The following KIRREL3 variants were observed in gnomAD, a reference collection of about 807,000 sequenced individuals.
KIRREL3 encodes kirre like nephrin family adhesion molecule 3.
In KIRREL3, 36 loss-of-function variants were observed where a neutral mutation model predicts 89.7. That is an observed-to-expected ratio of 0.40 (90% CI 0.31 to 0.53). The LOEUF (loss-of-function observed/expected upper bound fraction) is 0.53, where lower values mean the gene tolerates loss of function less well. KIRREL3 is among the 20% of genes least tolerant of loss of function. The pLI is 0.49. For synonymous variants in KIRREL3, 445 were observed against 441.4 expected (o/e 1.01, Z -0.10); for missense variants, 864 against 1,056.6 (o/e 0.82, Z 2.53).
rs1958621827 is a variant in KIRREL3 at position 126,522,239 on chromosome 11, C to G, written c.284-775G>C. Among the ~76,000 whole-genome samples the G allele has an allele frequency of 6.6e-6, 1 of 151,986 alleles. No individual in the cohort carries two copies. The highest frequency in any genetic ancestry group is 2.4e-5 in the African/African-American group (1 of 41,364). On this transcript the variant is annotated intron_variant, in intron 3 of 16. Transcript: ENST00000525144. This position sits in a 1 kb window ranked among gnomAD's most constrained non-coding sequence, Gnocchi z 6.0. The stretch of plus-strand genomic sequence containing the variant: ...AAGATAGAGAGGAGAGAGAGAGAGA[C>G]AGACAGACAGAGAGACCCAGGCTGA...
rs1381000901 is a variant in KIRREL3, at chr11:126,564,923, T to G, written c.56-2011A>C. On this transcript the variant is annotated intron_variant, in intron 1 of 16. Transcript: ENST00000525144. The surrounding 1 kb of genome is among the most constrained non-coding windows in gnomAD (Gnocchi z 7.4). ...GCCCATTGTAATTGCACACGCATTGTTCATCATTAGAATGATACAATTGCT... is the reference window on the plus strand; with the variant it reads ...GCCCATTGTAATTGCACACGCATTGGTCATCATTAGAATGATACAATTGCT... Among the ~76,000 whole-genome samples, 1 of 152,226 alleles carries G rather than the reference T, an allele frequency of 6.6e-6. No homozygotes were observed. The highest frequency in any genetic ancestry group is 1.5e-5 in the Non-Finnish European group (1 of 68,034).
rs1231368544 is a variant in KIRREL3, at chr11:126,656,121, T to C, written c.56-93209A>G. On this transcript the variant is annotated intron_variant, in intron 1 of 16. Transcript: ENST00000525144. The surrounding 1 kb of genome is among the most constrained non-coding windows in gnomAD (Gnocchi z 4.0). The stretch of plus-strand genomic sequence containing the variant: ...GCTGTGCAAAGGAATAAGAAACTAG[T>C]GCTGTCTCGGGAACCAGCAACACAG... 4.4e-6 allele frequency: 2 copies of C among 456,176 alleles called. No homozygotes were observed. The highest frequency in any genetic ancestry group is 1.4e-4 in the East Asian group (2 of 14,372). 28.3% of individuals were successfully genotyped at this position (456,176 alleles called of 1,614,324 possible).
Position 126,969,643 on chromosome 11 carries a change from G to A in KIRREL3, c.55+30812C>T, listed in dbSNP as rs1949374936. ...TGAATAAGGCAGGAAAGACCTGTGAGAAGTGAAAAGGCTCGGGTGAACTGT... is the reference window on the plus strand; with the variant it reads ...TGAATAAGGCAGGAAAGACCTGTGAAAAGTGAAAAGGCTCGGGTGAACTGT... On this transcript the variant is annotated intron_variant, in intron 1 of 16. Coordinates refer to ENST00000525144, the MANE Select transcript of KIRREL3 (RefSeq NM_032531.4). This position sits in a 1 kb window ranked among gnomAD's most constrained non-coding sequence, Gnocchi z 4.9. Among the ~76,000 whole-genome samples the A allele has an allele frequency of 6.6e-6, 1 of 152,180 alleles. No individual in the cohort carries two copies. The highest frequency in any genetic ancestry group is 2.4e-5 in the African/African-American group (1 of 41,442).
rs144024595 is a variant in KIRREL3 at position 126,614,524 on chromosome 11, G to A, written c.56-51612C>T. Among the ~76,000 whole-genome samples the A allele has an allele frequency of 7.7e-4, 118 of 152,328 alleles. No homozygotes were observed. Among genetic ancestry groups the A allele is most frequent in the Middle Eastern group, 3.4e-3 (1 of 294 alleles). ...GATCAATTAAATCAGACTTTCTCAT[G>A]AGGGTGCATGGACCTGGGCATTGGT... On this transcript the variant is annotated intron_variant, in intron 1 of 16. Transcript: ENST00000525144. This position sits in a 1 kb window ranked among gnomAD's most constrained non-coding sequence, Gnocchi z 4.6.
At chr11:126,781,118 G>C (rs1003579935) in intron 1 of KIRREL3, among the ~76,000 whole-genome samples, 1 of 152,082 alleles carries the variant, frequency 6.6e-6, no homozygotes, top group African/African-American at 2.4e-5. Context: ...GTGTGAGTGG[G>C]GGTCACGTTT....
intron 4 of KIRREL3, among the ~76,000 whole-genome samples, chr11:126,512,138 G>T (rs956744282): frequency 8.5e-5 from 13 of 152,252 alleles, no homozygotes; most frequent in African/African-American, 2.7e-4. Context: ...ATGAGTCTGT[G>T]CTTCCATTAC....
rs1034457655 is a variant in KIRREL3, at chr11:126,924,023, T to C, written c.55+76432A>G. ...TCATCCAAGGCTTCCCCATTTCCCT[T>C]AGCCCCTATGACCAGTCACTAACTT... On this transcript the variant is annotated intron_variant, in intron 1 of 16. Coordinates refer to ENST00000525144, the MANE Select transcript of KIRREL3 (RefSeq NM_032531.4). This position sits in a 1 kb window ranked among gnomAD's most constrained non-coding sequence, Gnocchi z 4.7. Among the ~76,000 whole-genome samples the C allele has an allele frequency of 6.6e-6, 1 of 152,208 alleles. No individual in the cohort carries two copies. Among genetic ancestry groups the C allele is most frequent in the Non-Finnish European group, 1.5e-5 (1 of 68,030 alleles).
Position 126,429,349 on chromosome 11 carries a change from C to T in KIRREL3, c.1697-61G>A. ...TAGTTCTTACCTTTGAGATGTCAAG[C>T]TCCCTTGCAGTCCCCTGCCCCTGCC... On this transcript the variant is annotated intron_variant, in intron 14 of 16. Transcript: ENST00000525144. The surrounding 1 kb of genome is among the most constrained non-coding windows in gnomAD (Gnocchi z 5.2). 1 of 1,261,800 alleles carries T rather than the reference C, an allele frequency of 7.9e-7. No individual in the cohort carries two copies. Among genetic ancestry groups the T allele is most frequent in the Non-Finnish European group, 1.1e-6 (1 of 869,938 alleles). The allele number at this position is 1,261,800 out of a possible 1,614,324, so 78.2% of individuals were successfully genotyped here. A position where few individuals can be genotyped will look rare whatever the true frequency, so the allele number is the denominator to read the frequency against.
rs143944651 is a variant in KIRREL3, at chr11:126,978,819, G to A, written c.55+21636C>T. On this transcript the variant is annotated intron_variant, in intron 1 of 16. Coordinates refer to ENST00000525144, the MANE Select transcript of KIRREL3 (RefSeq NM_032531.4). The surrounding 1 kb of genome is among the most constrained non-coding windows in gnomAD (Gnocchi z 4.2). ...AGCTACCATATGTGGATGTCCCCTG[G>A]GTCCCTACCTCTCTGCACCCGGGAT... is the stretch of plus-strand genomic sequence containing the variant. Among the ~76,000 whole-genome samples, 288 of 152,178 alleles carry A rather than the reference G, an allele frequency of 1.9e-3. 1 individual carries two copies. The highest frequency in any genetic ancestry group is 6.7e-3 in the African/African-American group (280 of 41,508).
In KIRREL3 at chr11:126,462,972, A is replaced by T. The variant is rs1332183223; in HGVS notation, c.742+185T>A. On this transcript the variant is annotated intron_variant, in intron 6 of 16. Transcript: ENST00000525144. The surrounding 1 kb of genome is among the most constrained non-coding windows in gnomAD (Gnocchi z 4.8). ...CCTTTGCGAAAGACCCTCATCTGTG[A>T]GGTTGCATCTCATGACAGTAAGGAA... Among the ~76,000 whole-genome samples, 1 of 152,178 alleles carries T rather than the reference A, an allele frequency of 6.6e-6. No individual in the cohort carries two copies. The highest frequency in any genetic ancestry group is 2.4e-5 in the African/African-American group (1 of 41,428).
In KIRREL3 at chr11:126,615,224, A is replaced by T. The variant is rs1395734607; in HGVS notation, c.56-52312T>A. Among the ~76,000 whole-genome samples the T allele has an allele frequency of 2.0e-5, 3 of 152,196 alleles. No homozygotes were observed. Among genetic ancestry groups the T allele is most frequent in the African/African-American group, 7.2e-5 (3 of 41,458 alleles). On this transcript the variant is annotated intron_variant, in intron 1 of 16. Transcript: ENST00000525144. This position sits in a 1 kb window ranked among gnomAD's most constrained non-coding sequence, Gnocchi z 5.4. The stretch of plus-strand genomic sequence containing the variant: ...TGCTTTTATGACAGTCTTCTCTACA[A>T]TGAGACGACATCTTTCTCATCTCTG...
chr11:126,672,279 C>A (rs1945987372), intron 1 of KIRREL3, among the ~76,000 whole-genome samples: 1 of 151,856 alleles, frequency 6.6e-6, no homozygotes, highest in African/African-American at 2.4e-5. Flanking sequence ...ATATAAAGAC[C>A]CTAAAGTTGG....
intron 1 of KIRREL3, among the ~76,000 whole-genome samples, chr11:126,907,210 A>G (rs1468508270): frequency 6.6e-6 from 1 of 152,168 alleles, no homozygotes; most frequent in Non-Finnish European, 1.5e-5. Context: ...CACTGATTGG[A>G]TAAGGTGAGT....
chr11:126,449,079 T>G lies in KIRREL3; in HGVS notation c.927A>C (p.Ser309=). The part of the protein sequence containing the change: ...YRTTVDYTYF[S]EPVSCEVTNA... ...TGGTCACCTCACAGGAGACGGGCTC[T>G]GAGAAGTACGTGTAGTCCACTGTGG... The change falls in exon 8 of 17, where the codon TCA becomes TCC. Residue 309 remains serine, a synonymous_variant. Transcript: ENST00000525144. The G allele has an allele frequency of 6.2e-7, 1 of 1,614,006 alleles. No individual in the cohort carries two copies. The highest frequency in any genetic ancestry group is 8.5e-7 in the Non-Finnish European group (1 of 1,179,852).
intron 1 of KIRREL3, among the ~76,000 whole-genome samples, chr11:126,654,270 T>C (rs1384220132): frequency 6.6e-6 from 1 of 152,108 alleles, no homozygotes; most frequent in East Asian, 1.9e-4. Flanking sequence ...GCTAGGACTT[T>C]TACCACTTCA....
chr11:126,685,592 C>T lies in KIRREL3; in HGVS notation c.56-122680G>A, dbSNP rs1043197154. Among the ~76,000 whole-genome samples, 6 of 152,216 alleles carry T rather than the reference C, an allele frequency of 3.9e-5. No homozygotes were observed. The highest frequency in any genetic ancestry group is 1.2e-4 in the African/African-American group (5 of 41,448). ...ATGTTTTCCTCCTCTCTTTCCCCTG[C>T]CAGGGCAGGCTTGGCACTTCCCAGG... is the stretch of plus-strand genomic sequence containing the variant. On this transcript the variant is annotated intron_variant, in intron 1 of 16. Coordinates refer to ENST00000525144, the MANE Select transcript of KIRREL3 (RefSeq NM_032531.4). This position sits in a 1 kb window ranked among gnomAD's most constrained non-coding sequence, Gnocchi z 5.5.
At position 126,778,006 on chromosome 11, in the gene KIRREL3, T is replaced by C. The variant is rs565378375; in HGVS notation, c.56-215094A>G. On this transcript the variant is annotated intron_variant, in intron 1 of 16. Transcript: ENST00000525144. The surrounding 1 kb of genome is among the most constrained non-coding windows in gnomAD (Gnocchi z 4.5). Reference sequence around the variant, plus strand: ...AGGACTGGGGACGGCTTCCCCCTACTCTCTTTTCCTGGTATATGAGAAATA... The same window carrying C: ...AGGACTGGGGACGGCTTCCCCCTACCCTCTTTTCCTGGTATATGAGAAATA... 2.5e-4 allele frequency among the ~76,000 whole-genome samples: 36 copies of C among 146,416 alleles called. 1 individual carries two copies. The highest frequency in any genetic ancestry group is 8.4e-4 in the African/African-American group (33 of 39,446).
intron 1 of KIRREL3, among the ~76,000 whole-genome samples, chr11:126,962,800 C>T (rs1299233287): frequency 3.3e-5 from 5 of 152,092 alleles, no homozygotes; most frequent in Non-Finnish European, 7.4e-5. Flanking sequence ...TTGCCACAGC[C>T]ACTCCAACTT....
chr11:126,661,180 T>C (rs1425611613), intron 1 of KIRREL3, among the ~76,000 whole-genome samples: 1 of 152,252 alleles, frequency 6.6e-6, no homozygotes, highest in Non-Finnish European at 1.5e-5. Flanking sequence ...GTCATTTTTC[T>C]TATGACATAA....
Sources: allele counts gnomAD v4.1 joint callset (sites outside exome capture counted in the v4.1 genomes callset), GRCh38; gene constraint gnomAD v4.1.1; non-coding constraint Gnocchi (gnomAD v3.1); transcripts MANE v1.5; gene names NCBI Gene and HGNC (gene_info 2026-07-23, HGNC 2026-07-21).